Variants in LARGE1 observed in about 807,000 individuals in gnomAD.
LARGE1 encodes the protein LARGE xylosyl- and glucuronyltransferase 1, also known as xylosyl- and glucuronyltransferase LARGE1.
A neutral mutation model predicts 87.6 loss-of-function variants in LARGE1; 43 were observed. That is an observed-to-expected ratio of 0.49 (90% CI 0.38 to 0.63). The LOEUF is 0.63. LARGE1 is among the 30% of genes least tolerant of loss of function. The pLI is 0.00. For missense variants in LARGE1, 802 were observed against 1,000.2 expected (o/e 0.80, Z 2.67); for synonymous variants, 434 against 394.6 (o/e 1.10, Z -1.18).
At chr22:33,149,428 GCTT>G in the LARGE1 span, among the ~76,000 whole-genome samples, 1 of 152,062 alleles carries the variant, frequency 6.6e-6, no homozygotes, top group Non-Finnish European at 1.5e-5. Context: ...CATGAATCAT[GCTT>G]TGGTGTTTTG....
intron 1 of LARGE1, among the ~76,000 whole-genome samples, chr22:33,790,149 A>T (rs977239101): frequency 6.6e-6 from 1 of 152,160 alleles, no homozygotes. Context: ...ATGGTAGTGA[A>T]TAAGTCTTAT....
chr22:33,797,720 ACAAC>A (rs2086030852), intron 1 of LARGE1, among the ~76,000 whole-genome samples: 1 of 152,212 alleles, frequency 6.6e-6, no homozygotes, highest in Non-Finnish European at 1.5e-5. Flanking sequence ...TCTGCTTCTC[ACAAC>A]CAAAGGCACA....
intron 6 of LARGE1, among the ~76,000 whole-genome samples, chr22:33,464,158 T>C (rs1367872633): frequency 6.6e-6 from 1 of 152,140 alleles, no homozygotes; most frequent in Non-Finnish European, 1.5e-5. Flanking sequence ...GAACTTGATC[T>C]GTGACAAATA....
chr22:33,337,330 T>C (rs1030707605), intron 10 of LARGE1, among the ~76,000 whole-genome samples: 4 of 152,172 alleles, frequency 2.6e-5, no homozygotes, highest in Non-Finnish European at 5.9e-5. Flanking sequence ...AACATTGGTG[T>C]TTCCTGGCTA....
At chr22:33,671,219 T>C (rs1040288543) in intron 2 of LARGE1, among the ~76,000 whole-genome samples, 5 of 152,182 alleles carry the variant, frequency 3.3e-5, no homozygotes, top group Non-Finnish European at 4.4e-5. Flanking sequence ...CTGCAGGAAG[T>C]ACACCACCAC....
chr22:33,457,824 C>G (rs2068203116), intron 6 of LARGE1, among the ~76,000 whole-genome samples: 1 of 152,092 alleles, frequency 6.6e-6, no homozygotes. Context: ...AGGAAAGACC[C>G]TGAGCACAGC....
chr22:33,700,628 C>G (rs1235269943), intron 2 of LARGE1, among the ~76,000 whole-genome samples: 1 of 152,114 alleles, frequency 6.6e-6, no homozygotes, highest in Non-Finnish European at 1.5e-5. Flanking sequence ...GTGGTGCTCT[C>G]TTATTGATGG....
At chr22:33,328,121 G>GA (rs1377021740) in intron 10 of LARGE1, among the ~76,000 whole-genome samples, 1 of 152,196 alleles carries the variant, frequency 6.6e-6, no homozygotes, top group African/African-American at 2.4e-5. Flanking sequence ...AGGAGCCCTG[G>GA]AGAGAGGGAG....
chr22:33,170,151 T>G (rs1195384634), intron 11 of LARGE1, among the ~76,000 whole-genome samples: 1 of 151,866 alleles, frequency 6.6e-6, no homozygotes, highest in African/African-American at 2.4e-5. Flanking sequence ...GGAGGATCAC[T>G]TGAGGTCAGG....
intron 6 of LARGE1, among the ~76,000 whole-genome samples, chr22:33,545,866 G>T (rs1311146713): frequency 6.6e-6 from 1 of 152,200 alleles, no homozygotes. Flanking sequence ...TTACAGGCGT[G>T]AGCCATGGCA....
chr22:33,496,582 A>C (rs1311129317), intron 6 of LARGE1, among the ~76,000 whole-genome samples: 1 of 152,032 alleles, frequency 6.6e-6, no homozygotes, highest in Admixed American at 6.6e-5. Context: ...GTGAGAAATA[A>C]ATTTCTGTTT....
chr22:33,516,649 T>C (rs5994765), intron 6 of LARGE1, among the ~76,000 whole-genome samples: 2,518 of 85,044 alleles, frequency 0.03, 56 homozygotes, highest in African/African-American at 0.092. Context: ...AGTGCAGTGG[T>C]GCCATCTCCG....
Position 33,782,790 on chromosome 22 carries a change from G to A in LARGE1, c.-82-21232C>T, listed in dbSNP as rs569083088. On this transcript the variant is annotated intron_variant, in intron 1 of 14. Coordinates refer to ENST00000397394, the MANE Select transcript of LARGE1 (RefSeq NM_133642.5). ...TGAGGCAGAAGAATCACTTGAACCC[G>A]GGAGGTGGAGGTTGCAGTGAGCCAA... is the stretch of plus-strand genomic sequence containing the variant. Among the ~76,000 whole-genome samples, 14 of 151,736 alleles carry A rather than the reference G, an allele frequency of 9.2e-5. No homozygotes were observed. The East Asian group carries it at 2.1e-3, about 23-fold the overall frequency.
intron 12 of LARGE1, among the ~76,000 whole-genome samples, chr22:33,299,089 A>G (rs1357479765): frequency 6.6e-6 from 1 of 151,900 alleles, no homozygotes; most frequent in Non-Finnish European, 1.5e-5. Flanking sequence ...GCGCATGCCT[A>G]TAATCCCAGC....
At chr22:33,816,272 C>T (rs537049088) in intron 1 of LARGE1, among the ~76,000 whole-genome samples, 82 of 152,222 alleles carry the variant, frequency 5.4e-4, no homozygotes, top group African/African-American at 1.9e-3. Flanking sequence ...TAGGCAGACT[C>T]TTAATTTGTT....
intron 1 of LARGE1, among the ~76,000 whole-genome samples, chr22:33,776,274 C>G (rs1295138781): frequency 6.6e-6 from 1 of 152,174 alleles, no homozygotes; most frequent in Non-Finnish European, 1.5e-5. Flanking sequence ...TTTAATTGAG[C>G]CACAGGCAGG....
At chr22:33,569,218 G>T (rs1446073037) in intron 5 of LARGE1, among the ~76,000 whole-genome samples, 1 of 152,182 alleles carries the variant, frequency 6.6e-6, no homozygotes, top group African/African-American at 2.4e-5. Flanking sequence ...TCAGACCTTT[G>T]ATTAACTTAT....
At chr22:33,185,209 A>T (rs1923410962) in intron 11 of LARGE1, among the ~76,000 whole-genome samples, 1 of 152,170 alleles carries the variant, frequency 6.6e-6, no homozygotes, top group African/African-American at 2.4e-5. Flanking sequence ...AGACAATGGA[A>T]TATTATTCAG....
chr22:33,709,830 T>C (rs1240373686), intron 2 of LARGE1, among the ~76,000 whole-genome samples: 2 of 151,878 alleles, frequency 1.3e-5, no homozygotes, highest in Non-Finnish European at 2.9e-5. Context: ...TTTTGCCATG[T>C]TAGCCAGGCT....
Sources: gnomAD v4.1 joint callset for allele counts (sites outside exome capture counted in the v4.1 genomes callset) on GRCh38, gnomAD v4.1.1 for gene constraint, MANE v1.5 for transcripts, NCBI Gene and HGNC (gene_info 2026-07-23, HGNC 2026-07-21) for gene names.